NOS2: variants seen among roughly 807,000 people sequenced by gnomAD.
NOS2 encodes the protein nitric oxide synthase, inducible.
A neutral mutation model predicts 136.0 loss-of-function variants in NOS2; 96 were observed. The ratio of observed to expected loss-of-function variants is 0.71; its 90% confidence interval spans 0.60 to 0.84. NOS2 has a LOEUF of 0.84. NOS2 is among the 40% of genes least tolerant of loss of function. The pLI, the probability that NOS2 is intolerant of heterozygous loss-of-function variation, is 0.00. For synonymous variants in NOS2, 539 were observed against 587.5 expected (o/e 0.92, Z 1.20); for missense variants, 1,237 against 1,496.9 (o/e 0.83, Z 2.87).
intron 2 of NOS2, among the ~76,000 whole-genome samples, chr17:27,791,363 TAGTC>T (rs1342841429): frequency 1.3e-5 from 2 of 152,150 alleles, no homozygotes; most frequent in South Asian, 2.1e-4. Context: ...AATCCCTACT[TAGTC>T]AGTTTAACAA....
At chr17:27,783,630 C>T (rs1908920669) in intron 5 of NOS2, among the ~76,000 whole-genome samples, 1 of 152,194 alleles carries the variant, frequency 6.6e-6, no homozygotes. Context: ...GAGCCAGGCA[C>T]TGGGTGAAGC....
At position 27,770,967 on chromosome 17, in the gene NOS2, C is replaced by T. The variant is rs28999412; in HGVS notation, c.1755G>A (p.Leu585=). 2.1e-3 allele frequency: 3,434 copies of T among 1,614,166 alleles called. 51 individuals carry two copies. The Admixed American group carries it at 0.033, about 15-fold the overall frequency. The part of the protein sequence containing the change: ...YRLSCLEEER[L]LLVVTSTFGN... ...CAAACGTACTGGTCACCACCAACAG[C>T]AGCCGTTCCTCCTCCAGGCAGCTCA... The change falls in exon 15 of 27, where the codon CTG becomes CTA. Residue 585 remains leucine (L), a synonymous_variant. Transcript: ENST00000313735.
intron 19 of NOS2, among the ~76,000 whole-genome samples, chr17:27,766,089 A>G (rs920141369): frequency 1.3e-5 from 2 of 152,254 alleles, no homozygotes; most frequent in Non-Finnish European, 2.9e-5. Context: ...AGTTTTCCTA[A>G]TGCATGCGGG....
At position 27,767,728 on chromosome 17, in the gene NOS2, G is replaced by A; in HGVS notation, c.2144C>T (p.Ser715Leu). The change falls in exon 18 of 27, where the codon TCA (serine) becomes TTA (leucine). Residue 715 changes from serine to leucine, a missense_variant. Transcript: ENST00000313735. ...DPHHYRLVQD[S>L]QPLDLSKALS... Reference sequence around the variant, plus strand: ...ACCTTTGCTGAGGTCCAAAGGCTGTGAGTCCTGCACGAGCCTGTAGTGGTG... The same window carrying A: ...ACCTTTGCTGAGGTCCAAAGGCTGTAAGTCCTGCACGAGCCTGTAGTGGTG... 6.2e-7 allele frequency: 1 copy of A among 1,613,706 alleles called. No individual in the cohort carries two copies. The highest frequency in any genetic ancestry group is 8.5e-7 in the Non-Finnish European group (1 of 1,180,016).
chr17:27,769,410 G>T, intron 16 of NOS2, 125 bp downstream of exon 16: 1 of 862,160 alleles, frequency 1.2e-6, no homozygotes, highest in South Asian at 1.5e-5. Context: ...ACAGACCTTA[G>T]ACCCAGGTCT....
At chr17:27,793,756 C>T in intron 2 of NOS2, 1 of 388,300 alleles carries the variant, frequency 2.6e-6, no homozygotes, top group Non-Finnish European at 4.6e-6. Flanking sequence ...CGCGCTTTAT[C>T]GCTCGGAGCC....
At chr17:27,789,783 GA>G (rs1909136249) in intron 2 of NOS2, 95 bp from the exon 3 acceptor site, 2 of 835,086 alleles carry the variant, frequency 2.4e-6, no homozygotes. Flanking sequence ...GACAAATAGG[GA>G]AACTGAGTCC....
intron 26 of NOS2, 52 bp downstream of exon 26, chr17:27,758,829 A>C: frequency 7.6e-7 from 1 of 1,311,302 alleles, no homozygotes; most frequent in African/African-American, 1.5e-5. Context: ...TCCTGGCTCC[A>C]ACGGCCTGTG....
At chr17:27,767,046 C>T (rs1455649858) in intron 18 of NOS2, among the ~76,000 whole-genome samples, 1 of 147,956 alleles carries the variant, frequency 6.8e-6, no homozygotes, top group African/African-American at 2.5e-5. Context: ...TGATACAGGG[C>T]AGCTTCTAAG....
intron 24 of NOS2, among the ~76,000 whole-genome samples, 169 bp from the exon 25 acceptor site, chr17:27,760,347 A>C (rs765501992): frequency 1.1e-4 from 17 of 152,226 alleles, no homozygotes; most frequent in Non-Finnish European, 2.2e-4. Flanking sequence ...ATCCATAGTC[A>C]CAGAACTGAA....
chr17:27,787,801 C>A lies in NOS2; in HGVS notation c.344G>T (p.Cys115Phe). The part of the protein sequence containing the change: ...KGILTCRSKS[C>F]LGSIMTPKSL... ...TTTGGGAGTCATAATGGACCCCAGGCAAGATTTGGACCTGCAAGTTAAAAT... is the reference window on the plus strand; with the variant it reads ...TTTGGGAGTCATAATGGACCCCAGGAAAGATTTGGACCTGCAAGTTAAAAT... The change falls in exon 5 of 27, where the codon TGC becomes TTC. Residue 115 changes from cysteine to phenylalanine, a missense_variant. Physicochemically the swap from Cys to Phe is radical, Grantham distance 205 (BLOSUM62 -2). Transcript: ENST00000313735. The A allele has an allele frequency of 1.2e-6, 2 of 1,612,252 alleles. No homozygotes were observed. Among genetic ancestry groups the A allele is most frequent in the Non-Finnish European group, 8.5e-7 (1 of 1,179,166 alleles).
rs765743080 is a variant in NOS2 at position 27,787,732 on chromosome 17, T to G, written c.413A>C (p.Glu138Ala). 6.2e-7 allele frequency: 1 copy of G among 1,613,870 alleles called. No homozygotes were observed. Among genetic ancestry groups the G allele is most frequent in the Admixed American group, 1.7e-5 (1 of 59,994 alleles). The change falls in exon 5 of 27, where the codon GAG becomes GCG. Residue 138 changes from glutamate (E) to alanine (A), a missense_variant. This residue lies in a region of NOS2 where 440 missense variants were observed against 545.4 expected (regional missense o/e 0.81). Transcript: ENST00000313735. ...AAATTCGATAGCTTGAGGTAGAAGC[T>G]CATCTGGAGGGGTAGGCTTGTCCCT... ...GPRDKPTPPD[E>A]LLPQAIEFVN...
In NOS2 at chr17:27,758,979, G is replaced by C. The variant is rs113419464; in HGVS notation, c.3256C>G (p.Arg1086Gly). 6.2e-7 allele frequency: 1 copy of C among 1,613,050 alleles called. No homozygotes were observed. Among genetic ancestry groups the C allele is most frequent in the Non-Finnish European group, 8.5e-7 (1 of 1,179,630 alleles). ...PGHLYVCGDV[R>G]MARDVAHTLK... is the part of the protein sequence containing the mutation. The stretch of plus-strand genomic sequence containing the variant: ...GTGTGGGCCACGTCCCGGGCCATGC[G>C]CACATCCCCGCAAACATAGAGGTGG... The change falls in exon 26 of 27, where the codon CGC becomes GGC. Residue 1086 changes from arginine to glycine, a missense_variant. This residue lies in a region of NOS2 where 782 missense variants were observed against 909.9 expected (regional missense o/e 0.86). Coordinates refer to ENST00000313735, the MANE Select transcript of NOS2 (RefSeq NM_000625.4).
chr17:27,781,934 C>T, intron 7 of NOS2, 81 bp downstream of exon 7: 2 of 1,234,912 alleles, frequency 1.6e-6, no homozygotes, highest in Middle Eastern at 1.9e-4. Context: ...GATGCCTCCC[C>T]TAGACCCAAG....
intron 4 of NOS2, among the ~76,000 whole-genome samples, chr17:27,788,248 C>T (rs553023955): frequency 1.5e-3 from 224 of 151,924 alleles, no homozygotes; most frequent in African/African-American, 5.3e-3. Flanking sequence ...CGAATGTTAA[C>T]TGTGGTGGTT....
chr17:27,772,280 A>G (rs1269706001), intron 14 of NOS2, 28 bp downstream of exon 14: 1 of 1,613,268 alleles, frequency 6.2e-7, no homozygotes, highest in South Asian at 1.1e-5. Flanking sequence ...AAGCAGAAAA[A>G]ACAACAGCCA....
chr17:27,759,824 G>A (rs1367866418), intron 25 of NOS2, among the ~76,000 whole-genome samples: 2 of 152,146 alleles, frequency 1.3e-5, no homozygotes, highest in Non-Finnish European at 2.9e-5. Context: ...TGTGACCTAG[G>A]TTAGTCCTGA....
In NOS2 at chr17:27,757,035, A is replaced by C. The variant is rs1211774120; in HGVS notation, c.*211T>G. On this transcript the variant is annotated 3_prime_UTR_variant, in exon 27 of 27. Coordinates refer to ENST00000313735, the MANE Select transcript of NOS2 (RefSeq NM_000625.4). ...GTCTCCAAGGGACCAGGGAGGCCCC[A>C]GTTTGAGAGAGGAGGCTCCGATCAA... 14 of 460,860 alleles carry C rather than the reference A, an allele frequency of 3.0e-5. No individual in the cohort carries two copies. The highest frequency in any genetic ancestry group is 4.9e-5 in the Non-Finnish European group (13 of 264,174). The allele number at this position is 460,860 out of a possible 1,614,324, so 28.5% of individuals were successfully genotyped here. A position where few individuals can be genotyped will look rare whatever the true frequency, so the allele number is the denominator to read the frequency against.
At chr17:27,759,692 C>T (rs1457397957) in intron 25 of NOS2, among the ~76,000 whole-genome samples, 1 of 152,144 alleles carries the variant, frequency 6.6e-6, no homozygotes, top group Non-Finnish European at 1.5e-5. Flanking sequence ...GAAGCATCGG[C>T]CGCCCTCCAG....
Sources: allele counts gnomAD v4.1 joint callset (sites outside exome capture counted in the v4.1 genomes callset), GRCh38; gene constraint gnomAD v4.1.1; regional missense constraint gnomAD v4.1.1; transcripts MANE v1.5; gene names NCBI Gene and HGNC (gene_info 2026-07-23, HGNC 2026-07-21).